The following PHF2 variants were observed in gnomAD, a reference collection of about 807,000 sequenced individuals.
The protein encoded by PHF2 is lysine-specific demethylase PHF2.
In PHF2, 27 loss-of-function variants were observed where a neutral mutation model predicts 120.5. The ratio of observed to expected loss-of-function variants is 0.22; its 90% CI spans 0.17 to 0.31. The LOEUF is 0.31. Ranked by LOEUF, PHF2 falls within the 10% of genes least tolerant of loss-of-function variation. PHF2 has a pLI of 1.00. For missense variants in PHF2, 1,024 were observed against 1,434.8 expected (o/e 0.71, Z 4.63); for synonymous variants, 568 against 592.5 (o/e 0.96, Z 0.60).
intron 1 of PHF2, among the ~76,000 whole-genome samples, chr9:93,580,414 A>C (rs1862911436): frequency 6.6e-6 from 1 of 152,170 alleles, no homozygotes; most frequent in African/African-American, 2.4e-5. Context: ...CTACTCTTAC[A>C]TAAAGCCACT....
At chr9:93,650,004 C>G (rs1826337418) in intron 5 of PHF2, among the ~76,000 whole-genome samples, 2 of 149,924 alleles carry the variant, frequency 1.3e-5, no homozygotes, top group South Asian at 4.2e-4. Flanking sequence ...ACGTGGTACA[C>G]TCACACTCAC....
At chr9:93,621,556 G>A (rs150365375) in intron 1 of PHF2, among the ~76,000 whole-genome samples, 338 of 152,330 alleles carry the variant, frequency 2.2e-3, no homozygotes, top group African/African-American at 7.6e-3. Flanking sequence ...CCAGGGCAGA[G>A]CGTCCTAAAG....
At position 93,642,732 on chromosome 9, in the gene PHF2, T is replaced by A. The variant is rs556100673; in HGVS notation, c.300-2897T>A. On this transcript the variant is annotated intron_variant, in intron 3 of 21. Coordinates refer to ENST00000359246, the MANE Select transcript of PHF2 (RefSeq NM_005392.4). ...TTAGAACCCAGTAAGCCTCTTTAATTTGGAGAGTCACATGTCAATTCTGAA... is the reference window on the plus strand; with the variant it reads ...TTAGAACCCAGTAAGCCTCTTTAATATGGAGAGTCACATGTCAATTCTGAA... Among the ~76,000 whole-genome samples the A allele has an allele frequency of 3.9e-5, 6 of 152,338 alleles. No individual in the cohort carries two copies. In the East Asian group the frequency reaches 7.7e-4, roughly 20 times the overall value.
intron 1 of PHF2, among the ~76,000 whole-genome samples, chr9:93,609,120 C>T (rs1408555549): frequency 8.4e-5 from 8 of 95,466 alleles, no homozygotes; most frequent in Non-Finnish European, 1.5e-4. Flanking sequence ...GTGCGATATA[C>T]GTTTATGACT....
Position 93,663,605 on chromosome 9 carries a change from C to A in PHF2, c.1907C>A (p.Ser636Tyr). The change falls in exon 14 of 22, where the codon TCT (serine) becomes TAT (tyrosine). Residue 636 changes from serine to tyrosine, a missense_variant. By Grantham distance (144) the Ser-to-Tyr change is moderately radical (BLOSUM62 -2). Transcript: ENST00000359246. ...GCTGGAAACAAAGACAATAAGTTCT[C>A]TTTTTCTTTCTCCAACAAGAAACTC... ...PLAGNKDNKF[S>Y]FSFSNKKLLG... 1 of 1,612,742 alleles carries A rather than the reference C, an allele frequency of 6.2e-7. No individual in the cohort carries two copies. The highest frequency in any genetic ancestry group is 1.1e-5 in the South Asian group (1 of 90,884).
At chr9:93,666,669 ACCTGTAATC>A (rs1826687377) in intron 16 of PHF2, among the ~76,000 whole-genome samples, 1 of 152,168 alleles carries the variant, frequency 6.6e-6, no homozygotes, top group African/African-American at 2.4e-5. Flanking sequence ...CAGAGCTCAC[ACCTGTAATC>A]CCAGCACTTT....
At chr9:93,647,120 C>T (rs942798036) in intron 4 of PHF2, among the ~76,000 whole-genome samples, 8 of 152,220 alleles carry the variant, frequency 5.3e-5, no homozygotes, top group Non-Finnish European at 1.0e-4. Flanking sequence ...CTTGTGTACC[C>T]CAGCTGTAAT....
intron 17 of PHF2, among the ~76,000 whole-genome samples, chr9:93,667,641 G>A (rs1410486589): frequency 6.6e-6 from 1 of 152,170 alleles, no homozygotes. Context: ...GGGGAGCACA[G>A]CCCTCCTGGT....
At chr9:93,588,513 G>A (rs528367783) in intron 1 of PHF2, among the ~76,000 whole-genome samples, 2 of 152,298 alleles carry the variant, frequency 1.3e-5, no homozygotes, top group South Asian at 2.1e-4. Context: ...TGAGAGGCCC[G>A]AGTCTGTGGG....
intron 9 of PHF2, among the ~76,000 whole-genome samples, 168 bp from the exon 10 acceptor site, chr9:93,657,977 G>A (rs1359991421): frequency 6.6e-6 from 1 of 152,158 alleles, no homozygotes; most frequent in African/African-American, 2.4e-5. Flanking sequence ...GAGGATGGGC[G>A]CCCCCAGGTT....
rs1031934813 is a variant in PHF2 at position 93,651,310 on chromosome 9, A to G, written c.603-1869A>G. 2.6e-5 allele frequency among the ~76,000 whole-genome samples: 4 copies of G among 152,146 alleles called. No homozygotes were observed. In the South Asian group the frequency reaches 8.3e-4, roughly 32 times the overall value. Reference sequence around the variant, plus strand: ...TCACAGAGAGATGTCTAGGCTATGGAGCTAGGGAGAGATGGTACTTTGGCC... The same window carrying G: ...TCACAGAGAGATGTCTAGGCTATGGGGCTAGGGAGAGATGGTACTTTGGCC... On this transcript the variant is annotated intron_variant, in intron 5 of 21. Coordinates refer to ENST00000359246, the MANE Select transcript of PHF2 (RefSeq NM_005392.4).
chr9:93,636,909 T>C (rs1044977223), intron 3 of PHF2, among the ~76,000 whole-genome samples: 1 of 152,246 alleles, frequency 6.6e-6, no homozygotes. Flanking sequence ...GGCGTTGTCC[T>C]CATGTCTCCT....
At chr9:93,596,872 C>G (rs1825343061) in intron 1 of PHF2, among the ~76,000 whole-genome samples, 1 of 151,726 alleles carries the variant, frequency 6.6e-6, no homozygotes, top group Admixed American at 6.6e-5. Flanking sequence ...GATTCTCCTG[C>G]CTCAGTCTCC....
intron 4 of PHF2, 149 bp from the exon 5 acceptor site, chr9:93,648,922 T>C: frequency 1.3e-6 from 1 of 759,094 alleles, no homozygotes; most frequent in Non-Finnish European, 2.1e-6. Flanking sequence ...AAGCTCGACG[T>C]TGGCACCTAG....
intron 3 of PHF2, among the ~76,000 whole-genome samples, chr9:93,642,730 A>G (rs1177472181): frequency 6.6e-6 from 1 of 152,174 alleles, no homozygotes; most frequent in Non-Finnish European, 1.5e-5. Flanking sequence ...AGCCTCTTTA[A>G]TTTGGAGAGT....
chr9:93,606,782 G>C (rs1340357327), intron 1 of PHF2, among the ~76,000 whole-genome samples: 1 of 152,176 alleles, frequency 6.6e-6, no homozygotes, highest in Non-Finnish European at 1.5e-5. Context: ...CAAACTGAAG[G>C]CCATCTAGAT....
intron 20 of PHF2, among the ~76,000 whole-genome samples, 166 bp from the exon 21 acceptor site, chr9:93,676,428 T>TC (rs1201166333): frequency 1.3e-5 from 2 of 152,156 alleles, no homozygotes; most frequent in Non-Finnish European, 1.5e-5. Flanking sequence ...TGGCGCCCTG[T>TC]CCGTGTGCAT....
Position 93,677,022 on chromosome 9 carries a change from G to T in PHF2, c.3202+59G>T. 1 of 1,452,998 alleles carries T rather than the reference G, an allele frequency of 6.9e-7. No individual in the cohort carries two copies. The highest frequency in any genetic ancestry group is 1.4e-5 in the South Asian group (1 of 69,382). 90.0% of individuals were successfully genotyped at this position (1,452,998 alleles called of 1,614,324 possible). A position where few individuals can be genotyped will look rare whatever the true frequency, so the allele number is the denominator to read the frequency against. ...CCTGCCCTGCCTGCCCCCATGGGCA[G>T]CCCCAGACATGCAGACTCGGCCCAT... On this transcript the variant is annotated intron_variant, in intron 21 of 21. Coordinates refer to ENST00000359246, the MANE Select transcript of PHF2 (RefSeq NM_005392.4). This position sits in a 1 kb window ranked among gnomAD's most constrained non-coding sequence, Gnocchi z 4.4.
In PHF2 at chr9:93,655,921, G is replaced by A. The variant is rs750889039; in HGVS notation, c.953-13G>A. 3.1e-6 allele frequency: 5 copies of A among 1,606,316 alleles called. No homozygotes were observed. In the African/African-American group the frequency reaches 5.3e-5, roughly 17 times the overall value. ...GCAAGGTGGGGCACCAGCCACTCCT[G>A]TCTCTCTCCCAGGCTGGATCTACGC... On this transcript the variant is annotated splice_polypyrimidine_tract_variant and intron_variant, in intron 7 of 21. Transcript: ENST00000359246.
Sources: allele counts gnomAD v4.1 joint callset (sites outside exome capture counted in the v4.1 genomes callset), GRCh38; gene constraint gnomAD v4.1.1; non-coding constraint Gnocchi (gnomAD v3.1); transcripts MANE v1.5; gene names NCBI Gene and HGNC (gene_info 2026-07-23, HGNC 2026-07-21).